The following PRSS54 variants were observed in gnomAD, a reference collection of about 807,000 sequenced individuals.
PRSS54 encodes inactive serine protease 54.
Under a neutral mutation model 19.9 loss-of-function variants are expected in PRSS54, and 16 were observed. The ratio of observed to expected loss-of-function variants is 0.80; its 90% CI spans 0.54 to 1.22. PRSS54 has a LOEUF of 1.22. Among genes scored for constraint, PRSS54 ranks in the 50% most tolerant of loss-of-function variants. The probability of loss-of-function intolerance (pLI) is 0.00; values close to 1 mark genes in which losing one functional copy is unlikely to be tolerated. For missense variants in PRSS54, 444 were observed against 494.8 expected (o/e 0.90, Z 0.97); for synonymous variants, 177 against 195.8 (o/e 0.90, Z 0.80).
At chr16:58,294,847 A>C (rs1596913403) in intron 1 of PRSS54, 40 bp downstream of exon 1, 1 of 152,730 alleles carries the variant, frequency 6.5e-6, no homozygotes, top group South Asian at 2.1e-4. Flanking sequence ...CAAGCAATGC[A>C]CAGAAGCCCA....
chr16:58,289,715 G>C (rs1037462211), intron 4 of PRSS54, among the ~76,000 whole-genome samples: 1 of 151,978 alleles, frequency 6.6e-6, no homozygotes, highest in Non-Finnish European at 1.5e-5. Context: ...GTGATTACAG[G>C]TGTATGCCAC....
chr16:58,282,912 G>C (rs922682691), intron 6 of PRSS54: 1 of 152,304 alleles, frequency 6.6e-6, no homozygotes, highest in Non-Finnish European at 1.5e-5. Context: ...GCAGGTCACT[G>C]TTCCACCCAC....
At chr16:58,282,090 C>A (rs1409064059) in intron 6 of PRSS54, 1 of 150,422 alleles carries the variant, frequency 6.6e-6, no homozygotes, top group African/African-American at 2.5e-5. Flanking sequence ...CTCGCTGCAA[C>A]CTCCTCCTCC....
chr16:58,284,562 C>T (rs1470319953), intron 6 of PRSS54, 28 bp downstream of exon 6: 2 of 1,613,376 alleles, frequency 1.2e-6, no homozygotes, highest in South Asian at 2.2e-5. Flanking sequence ...ACTCTCAACA[C>T]TTAGCTTCTA....
rs111959910 is a variant in PRSS54 at position 58,293,990 on chromosome 16, T to C, written c.-12A>G. 138 of 641,670 alleles carry C rather than the reference T, an allele frequency of 2.2e-4. No homozygotes were observed. Among genetic ancestry groups the C allele is most frequent in the African/African-American group, 2.1e-3 (118 of 55,372 alleles). The allele number at this position is 641,670 out of a possible 1,614,324, so 39.7% of individuals were successfully genotyped here. ...CCAAGATGTAGGGCACTGACCTGTC[T>C]TATCCCTAGTGCTTGGTTCTGTGTG... On this transcript the variant is annotated 5_prime_UTR_variant, in exon 2 of 7. Transcript: ENST00000567164.
chr16:58,287,454 G>A (rs926079677), intron 4 of PRSS54, among the ~76,000 whole-genome samples: 9 of 152,242 alleles, frequency 5.9e-5, no homozygotes, highest in Admixed American at 6.5e-5. Context: ...CTCTAGGTGA[G>A]GGGAGGATGT....
rs781733493 is a variant in PRSS54 at position 58,280,562 on chromosome 16, A to G, written c.850T>C (p.Leu284=). 3.4e-5 allele frequency: 55 copies of G among 1,614,056 alleles called. No homozygotes were observed. The Middle Eastern group carries it at 4.9e-4, about 14-fold the overall frequency. Residue 284 remains leucine, a synonymous_variant, in exon 7 of 7, where the codon TTG becomes CTG. Coordinates refer to ENST00000567164, the MANE Select transcript of PRSS54 (RefSeq NM_001305173.2). ...PLSSLHHWEK[L]ISFSHHGPNA... Reference sequence around the variant, plus strand: ...GGTCCATGGTGGGAGAAAGAAATCAACTTTTCCCAGTGGTGGAGTGAGGAC... The same window carrying G: ...GGTCCATGGTGGGAGAAAGAAATCAGCTTTTCCCAGTGGTGGAGTGAGGAC...
At position 58,284,585 on chromosome 16, in the gene PRSS54, C is replaced by T. The variant is rs1239216425; in HGVS notation, c.654+5G>A. On this transcript the variant is annotated splice_donor_5th_base_variant and intron_variant, in intron 6 of 6. Coordinates refer to ENST00000567164, the MANE Select transcript of PRSS54 (RefSeq NM_001305173.2). ...CACTTAGCTTCTACTCCATGATGTTCTTACCAAGCAGGCAGTCTTGGTTTC... is the reference window on the plus strand; with the variant it reads ...CACTTAGCTTCTACTCCATGATGTTTTTACCAAGCAGGCAGTCTTGGTTTC... The T allele has an allele frequency of 6.2e-7, 1 of 1,613,726 alleles. No individual in the cohort carries two copies.
rs980909247 is a variant in PRSS54, at chr16:58,280,257, G to A, written c.1155C>T (p.Ser385=). Residue 385 remains serine (S), a synonymous_variant, in exon 7 of 7, where the codon TCC becomes TCT. Coordinates refer to ENST00000567164, the MANE Select transcript of PRSS54 (RefSeq NM_001305173.2). ...TGCTGCAAAAGAAAACAAGCACGAAGGAAACCAAGATGATTTCTTCGGGCT... is the reference window on the plus strand; with the variant it reads ...TGCTGCAAAAGAAAACAAGCACGAAAGAAACCAAGATGATTTCTTCGGGCT... ...LYQPEEIILV[S]FVLVFFCSSI The A allele has an allele frequency of 6.3e-5, 102 of 1,613,490 alleles. No individual in the cohort carries two copies. Among genetic ancestry groups the A allele is most frequent in the Non-Finnish European group, 8.4e-5 (99 of 1,179,820 alleles).
rs939759309 is a variant in PRSS54, at chr16:58,280,065, G to C, written c.*159C>G. 5 of 709,402 alleles carry C rather than the reference G, an allele frequency of 7.0e-6. No individual in the cohort carries two copies. In the African/African-American group the frequency reaches 7.2e-5, roughly 10 times the overall value. 43.9% of individuals were successfully genotyped at this position (709,402 alleles called of 1,614,324 possible). Reference sequence around the variant, plus strand: ...GAAAGTGACCTTCCCACACCTGGGAGAGGGATAGAGGAGGGAGAGCCAGCC... The same window carrying C: ...GAAAGTGACCTTCCCACACCTGGGACAGGGATAGAGGAGGGAGAGCCAGCC... On this transcript the variant is annotated 3_prime_UTR_variant, in exon 7 of 7. Coordinates refer to ENST00000567164, the MANE Select transcript of PRSS54 (RefSeq NM_001305173.2).
chr16:58,284,629 G>T lies in PRSS54; in HGVS notation c.615C>A (p.Cys205Ter). The change falls in exon 6 of 7, where the codon TGC becomes TGA. Residue 205 changes from cysteine to a stop codon, truncating the protein, a stop_gained. Coordinates refer to ENST00000567164, the MANE Select transcript of PRSS54 (RefSeq NM_001305173.2). LOFTEE classifies it low-confidence loss of function (END_TRUNC). ...CPLYKLQKTE[C>*]GSHTKEETKT... is the part of the protein sequence containing the mutation. ...TGGTTTCCTCTTTCGTGTGGCTGCC[G>T]CATTCTGTCTTCTGGAGTTTGTATA... 2 of 1,613,884 alleles carry T rather than the reference G, an allele frequency of 1.2e-6. No homozygotes were observed.
chr16:58,282,871 T>G (rs1479628722), intron 6 of PRSS54: 1 of 152,288 alleles, frequency 6.6e-6, no homozygotes, highest in East Asian at 1.9e-4. Flanking sequence ...GATGAGTGAT[T>G]GGTAGATGTC....
intron 3 of PRSS54, among the ~76,000 whole-genome samples, chr16:58,291,531 G>C (rs938977296): frequency 6.6e-6 from 1 of 152,004 alleles, no homozygotes; most frequent in Non-Finnish European, 1.5e-5. Context: ...ACCCAGGCTA[G>C]AGTGCAGTGG....
In PRSS54 at chr16:58,281,022, T is replaced by C. The variant is rs1325425351; in HGVS notation, c.655-265A>G. On this transcript the variant is annotated intron_variant, in intron 6 of 6. Transcript: ENST00000567164. ...GGTTCATATTTCATTTTCTTGCCCCTTTCCAGTCCTTTGGCCAAACCTTCC... is the reference window on the plus strand; with the variant it reads ...GGTTCATATTTCATTTTCTTGCCCCCTTCCAGTCCTTTGGCCAAACCTTCC... 6 of 439,032 alleles carry C rather than the reference T, an allele frequency of 1.4e-5. No homozygotes were observed. The Admixed American group carries it at 2.3e-4, about 17-fold the overall frequency. 27.2% of individuals were successfully genotyped at this position (439,032 alleles called of 1,614,324 possible).
chr16:58,291,197 G>T (rs1461469785), intron 3 of PRSS54, 61 bp from the exon 4 acceptor site: 2 of 1,506,464 alleles, frequency 1.3e-6, no homozygotes, highest in African/African-American at 2.8e-5. Flanking sequence ...CCTCTCTCCT[G>T]TGGGCTGTCT....
chr16:58,280,605 C>T lies in PRSS54; in HGVS notation c.807G>A (p.Glu269=). 6.2e-7 allele frequency: 1 copy of T among 1,614,158 alleles called. No homozygotes were observed. The highest frequency in any genetic ancestry group is 1.1e-5 in the South Asian group (1 of 91,076). The change falls in exon 7 of 7, where the codon GAG becomes GAA. Residue 269 remains glutamate, a synonymous_variant. Coordinates refer to ENST00000567164, the MANE Select transcript of PRSS54 (RefSeq NM_001305173.2). ...DYSKWITSKA[E]RAGPPLSSLH... is the part of the protein sequence containing the mutation. ...GTGAGGACAGGGGAGGGCCGGCCCT[C>T]TCAGCCTTGGATGTGATCCATTTGC...
rs747520767 is a variant in PRSS54, at chr16:58,280,555, G to T, written c.857C>A (p.Ser286Tyr). Residue 286 changes from serine to tyrosine, a missense_variant, in exon 7 of 7, where the codon TCT (serine) becomes TAT (tyrosine). Coordinates refer to ENST00000567164, the MANE Select transcript of PRSS54 (RefSeq NM_001305173.2). ...GGCATTTGGTCCATGGTGGGAGAAA[G>T]AAATCAACTTTTCCCAGTGGTGGAG... ...SSLHHWEKLISFSHHGPNATM... is the reference protein window; with the variant it reads ...SSLHHWEKLIYFSHHGPNATM... The T allele has an allele frequency of 6.2e-7, 1 of 1,614,204 alleles. No individual in the cohort carries two copies. Among genetic ancestry groups the T allele is most frequent in the Non-Finnish European group, 8.5e-7 (1 of 1,180,032 alleles).
chr16:58,283,211 G>C (rs1436967324), intron 6 of PRSS54: 2 of 152,200 alleles, frequency 1.3e-5, no homozygotes, highest in East Asian at 1.9e-4. Context: ...TTCTGAACCT[G>C]GTGGTTGATT....
rs2241414 is a variant in PRSS54 at position 58,280,529 on chromosome 16, T to C, written c.883A>G (p.Thr295Ala). 172,369 of 1,614,022 alleles carry C rather than the reference T, an allele frequency of 0.11. 9,593 individuals carry two copies. The highest frequency in any genetic ancestry group is 0.13 in the Admixed American group (7,719 of 60,008). ...ISFSHHGPNATMTQKTYSDSE... is the reference protein window; with the variant it reads ...ISFSHHGPNAAMTQKTYSDSE... ...TCAGAATATGTCTTCTGTGTCATGG[T>C]GGCATTTGGTCCATGGTGGGAGAAA... Residue 295 changes from threonine (T) to alanine (A), a missense_variant, in exon 7 of 7, where the codon ACC (threonine) becomes GCC (alanine). By Grantham distance (58) the Thr-to-Ala change is moderately conservative. Coordinates refer to ENST00000567164, the MANE Select transcript of PRSS54 (RefSeq NM_001305173.2).
Sources: allele counts gnomAD v4.1 joint callset (sites outside exome capture counted in the v4.1 genomes callset), GRCh38; gene constraint gnomAD v4.1.1; transcripts MANE v1.5; gene names NCBI Gene and HGNC (gene_info 2026-07-23, HGNC 2026-07-21).